Variants in AP1G2 observed in about 807,000 individuals in gnomAD.
The protein encoded by AP1G2 is adaptor related protein complex 1 subunit gamma 2.
A neutral mutation model predicts 95.8 loss-of-function variants in AP1G2; 85 were observed. The ratio of observed to expected loss-of-function variants is 0.89; its 90% CI spans 0.74 to 1.06. AP1G2 has a LOEUF of 1.06. Among genes scored for constraint, AP1G2 ranks in the 50% least tolerant of loss-of-function variants. AP1G2 has a pLI of 0.00. For missense variants in AP1G2, 967 were observed against 1,005.8 expected (o/e 0.96, Z 0.52); for synonymous variants, 378 against 400.0 (o/e 0.94, Z 0.66).
Position 23,565,911 on chromosome 14 carries a change from A to T in AP1G2, c.569-19T>A, listed in dbSNP as rs775367912. 1 of 1,598,748 alleles carries T rather than the reference A, an allele frequency of 6.3e-7. No individual in the cohort carries two copies. The highest frequency in any genetic ancestry group is 8.5e-7 in the Non-Finnish European group (1 of 1,174,610). ...AGGATGCCTGGGGTCAGCGTCGGGG[A>T]AGTGAATGGTGGGGGCCAGGGGCAA... is the stretch of plus-strand genomic sequence containing the variant. On this transcript the variant is annotated intron_variant, in intron 5 of 21. Coordinates refer to ENST00000397120, the MANE Select transcript of AP1G2 (RefSeq NM_003917.5).
At position 23,564,397 on chromosome 14, in the gene AP1G2, G is replaced by A. The variant is rs1886703416; in HGVS notation, c.922-9C>T. The A allele has an allele frequency of 1.2e-6, 2 of 1,614,146 alleles. No homozygotes were observed. Among genetic ancestry groups the A allele is most frequent in the Non-Finnish European group, 1.7e-6 (2 of 1,180,022 alleles). On this transcript the variant is annotated splice_polypyrimidine_tract_variant and intron_variant, in intron 9 of 21. Transcript: ENST00000397120. Reference sequence around the variant, plus strand: ...ATGTTGACAGCTAGAACCTATGAGAGGCAGAAGTTGGGGTCAGTCGGAAAG... The same window carrying A: ...ATGTTGACAGCTAGAACCTATGAGAAGCAGAAGTTGGGGTCAGTCGGAAAG...
At position 23,567,090 on chromosome 14, in the gene AP1G2, G is replaced by C. The variant is rs778227721; in HGVS notation, c.204+21C>G. 1 of 1,602,126 alleles carries C rather than the reference G, an allele frequency of 6.2e-7. No individual in the cohort carries two copies. On this transcript the variant is annotated intron_variant, in intron 2 of 21. Transcript: ENST00000397120. This position sits in a 1 kb window ranked among gnomAD's most constrained non-coding sequence, Gnocchi z 5.3. Reference sequence around the variant, plus strand: ...CACTAGCCTTCATCAAGCTCAGGAGGGAGGTATTCCTGGCCAGTACCTGTC... The same window carrying C: ...CACTAGCCTTCATCAAGCTCAGGAGCGAGGTATTCCTGGCCAGTACCTGTC...
Position 23,565,027 on chromosome 14 carries a change from G to C in AP1G2, c.822+92C>G, listed in dbSNP as rs887221174. The C allele has an allele frequency of 3.4e-6, 4 of 1,192,118 alleles. No individual in the cohort carries two copies. The South Asian group carries it at 5.0e-5, about 15-fold the overall frequency. 73.8% of individuals were successfully genotyped at this position (1,192,118 alleles called of 1,614,324 possible). A position where few individuals can be genotyped will look rare whatever the true frequency, so the allele number is the denominator to read the frequency against. On this transcript the variant is annotated intron_variant, in intron 8 of 21. Coordinates refer to ENST00000397120, the MANE Select transcript of AP1G2 (RefSeq NM_003917.5). ...AGAGGAGATGGAGAGGCAATTACAC[G>C]GCCACTGCACAGTGACGAGTCATGT...
intron 8 of AP1G2, 113 bp from the exon 9 acceptor site, chr14:23,564,773 G>A: frequency 2.1e-6 from 2 of 957,576 alleles, no homozygotes; most frequent in African/African-American, 1.6e-5. Context: ...GACCTCCCAG[G>A]CTCTGATGAT....
chr14:23,562,778 A>C, intron 14 of AP1G2, 185 bp from the exon 15 acceptor site: 1 of 639,990 alleles, frequency 1.6e-6, no homozygotes, highest in Non-Finnish European at 2.6e-6. Context: ...GAAAGAAAGA[A>C]ACACTGCTGG....
Position 23,559,759 on chromosome 14 carries a change from G to C in AP1G2, c.2348C>G (p.Ser783Trp), listed in dbSNP as rs768123425. The change falls in exon 22 of 22, where the codon TCG (serine) becomes TGG (tryptophan). Residue 783 changes from serine to tryptophan, a missense_variant. Physicochemically the swap from Ser to Trp is radical, Grantham distance 177. Coordinates refer to ENST00000397120, the MANE Select transcript of AP1G2 (RefSeq NM_003917.5). Reference protein sequence around the residue: ...IFEVNNLPVESWQ With the variant: ...IFEVNNLPVEWWQ The stretch of plus-strand genomic sequence containing the variant: ...TGTGAGTGGAGACAGTTACTGCCAC[G>C]ATTCCACAGGCAAGTTGTTCACCTC... 1 of 1,614,096 alleles carries C rather than the reference G, an allele frequency of 6.2e-7. No individual in the cohort carries two copies. The highest frequency in any genetic ancestry group is 8.5e-7 in the Non-Finnish European group (1 of 1,179,980).
At chr14:23,565,937 G>C in intron 5 of AP1G2, 45 bp from the exon 6 acceptor site, 1 of 1,603,176 alleles carries the variant, frequency 6.2e-7, no homozygotes, top group Non-Finnish European at 8.5e-7. Context: ...CCAGGGGCAA[G>C]AGAGTCTATT....
rs1257816946 is a variant in AP1G2 at position 23,563,406 on chromosome 14, T to C, written c.1384A>G (p.Asn462Asp). The change falls in exon 14 of 22, where the codon AAT (asparagine) becomes GAT (aspartate). Residue 462 changes from asparagine (N) to aspartate (D), a missense_variant. Asn to Asp is a conservative substitution (Grantham distance 23). Coordinates refer to ENST00000397120, the MANE Select transcript of AP1G2 (RefSeq NM_003917.5). ...LHAYSVRRLY[N>D]ALAEDISQQP... ...TGGGAAATGTCTTCTGCCAGGGCAT[T>C]GTAGAGGCGGCGCACAGAGTAGGCA... is the stretch of plus-strand genomic sequence containing the variant. 4 of 1,605,470 alleles carry C rather than the reference T, an allele frequency of 2.5e-6. No homozygotes were observed. Among genetic ancestry groups the C allele is most frequent in the Non-Finnish European group, 1.7e-6 (2 of 1,176,548 alleles).
chr14:23,559,706 G>T lies in AP1G2; in HGVS notation c.*43C>A. On this transcript the variant is annotated 3_prime_UTR_variant, in exon 22 of 22. Coordinates refer to ENST00000397120, the MANE Select transcript of AP1G2 (RefSeq NM_003917.5). ...GGTTCGAAGCTGCTGGGGCCCCCTGGGGTTTGGGACACAGGAGAATTTCAG... is the reference window on the plus strand; with the variant it reads ...GGTTCGAAGCTGCTGGGGCCCCCTGTGGTTTGGGACACAGGAGAATTTCAG... The T allele has an allele frequency of 6.3e-7, 1 of 1,597,234 alleles. No individual in the cohort carries two copies. Among genetic ancestry groups the T allele is most frequent in the South Asian group, 1.1e-5 (1 of 89,830 alleles).
chr14:23,567,126 G>A lies in AP1G2; in HGVS notation c.189C>T (p.Pro63=). Reference sequence around the variant, plus strand: ...TGGCCAGTACCTGTCCAAAGTGGGCGGGGTAGCCCAACATGTGGACGTAGA... The same window carrying A: ...TGGCCAGTACCTGTCCAAAGTGGGCAGGGTAGCCCAACATGTGGACGTAGA... ...KLLYVHMLGY[P]AHFGQMECLK... The change falls in exon 2 of 22, where the codon CCC becomes CCT. Residue 63 remains proline (P), a synonymous_variant. Coordinates refer to ENST00000397120, the MANE Select transcript of AP1G2 (RefSeq NM_003917.5). This position sits in a 1 kb window ranked among gnomAD's most constrained non-coding sequence, Gnocchi z 5.3. 1 of 1,610,390 alleles carries A rather than the reference G, an allele frequency of 6.2e-7. No homozygotes were observed. Among genetic ancestry groups the A allele is most frequent in the South Asian group, 1.1e-5 (1 of 90,740 alleles).
intron 10 of AP1G2, 62 bp from the exon 11 acceptor site, chr14:23,564,221 C>T: frequency 1.2e-6 from 2 of 1,611,998 alleles, no homozygotes; most frequent in Middle Eastern, 1.7e-4. Flanking sequence ...CCCGTCCTGT[C>T]CTGGGTATAG....
At chr14:23,560,088 C>A (rs946374510) in intron 20 of AP1G2, 52 bp from the exon 21 acceptor site, 2 of 1,430,434 alleles carry the variant, frequency 1.4e-6, no homozygotes, top group African/African-American at 2.8e-5. Context: ...AGGGCTCAGG[C>A]AGCCCCTCTA....
Position 23,559,626 on chromosome 14 carries a change from C to T in AP1G2, c.*123G>A. On this transcript the variant is annotated 3_prime_UTR_variant, in exon 22 of 22. Transcript: ENST00000397120. The stretch of plus-strand genomic sequence containing the variant: ...TATTTGTGGGAGAAGGGGGCTGGTC[C>T]CCAGTTTTTGCAGTGCAAAGCCAGA... The T allele has an allele frequency of 1.3e-6, 1 of 798,626 alleles. No homozygotes were observed. Among genetic ancestry groups the T allele is most frequent in the Non-Finnish European group, 2.1e-6 (1 of 479,582 alleles). 49.5% of individuals were successfully genotyped at this position (798,626 alleles called of 1,614,324 possible).
rs370061280 is a variant in AP1G2 at position 23,562,727 on chromosome 14, A to ACC, written c.1411-136_1411-135dup. On this transcript the variant is annotated intron_variant, in intron 14 of 21. Coordinates refer to ENST00000397120, the MANE Select transcript of AP1G2 (RefSeq NM_003917.5). ...AGACCAGCCTGGGCAACAAAGCGAG[A>ACC]CCCCCCCCATCTCTATTTTAAAAAA... 1.8e-3 allele frequency: 1,373 copies of ACC among 742,260 alleles called. 12 individuals carry two copies. In the African/African-American group the frequency reaches 0.022, roughly 12 times the overall value. The allele number at this position is 742,260 out of a possible 1,614,324, so 46.0% of individuals were successfully genotyped here.
rs1319992134 is a variant in AP1G2 at position 23,559,606 on chromosome 14, G to A, written c.*143C>T. The stretch of plus-strand genomic sequence containing the variant: ...TCTCAGGCTTTATTGGGCTTTATTT[G>A]TGGGAGAAGGGGGCTGGTCCCCAGT... On this transcript the variant is annotated 3_prime_UTR_variant, in exon 22 of 22. Coordinates refer to ENST00000397120, the MANE Select transcript of AP1G2 (RefSeq NM_003917.5). 2 of 681,772 alleles carry A rather than the reference G, an allele frequency of 2.9e-6. No individual in the cohort carries two copies. Among genetic ancestry groups the A allele is most frequent in the Admixed American group, 5.1e-5 (2 of 38,988 alleles). 42.2% of individuals were successfully genotyped at this position (681,772 alleles called of 1,614,324 possible).
In AP1G2 at chr14:23,567,678, T is replaced by C; in HGVS notation, c.-6+61A>G. The C allele has an allele frequency of 1.1e-6, 1 of 935,056 alleles. No homozygotes were observed. Among genetic ancestry groups the C allele is most frequent in the Non-Finnish European group, 1.3e-6 (1 of 777,358 alleles). The allele number at this position is 935,056 out of a possible 1,614,324, so 57.9% of individuals were successfully genotyped here. A position where few individuals can be genotyped will look rare whatever the true frequency, so the allele number is the denominator to read the frequency against. ...TCTTCCGCGAGCTTCCTCCCCCGAT[T>C]TCCATCTCAGGCAGCGGCAGCGGCA... On this transcript the variant is annotated intron_variant, in intron 1 of 21. Transcript: ENST00000397120. This position sits in a 1 kb window ranked among gnomAD's most constrained non-coding sequence, Gnocchi z 5.3.
chr14:23,561,756 G>A (rs1295001931), intron 17 of AP1G2, 121 bp from the exon 18 acceptor site: 1 of 1,485,256 alleles, frequency 6.7e-7, no homozygotes, highest in Non-Finnish European at 8.9e-7. Flanking sequence ...GTACCCTTCT[G>A]ATTTCCTAAA....
At chr14:23,566,530 C>T (rs1174026580) in intron 3 of AP1G2, 32 bp downstream of exon 3, 4 of 1,612,704 alleles carry the variant, frequency 2.5e-6, no homozygotes, top group Non-Finnish European at 3.4e-6. Context: ...TCCCATCTCC[C>T]TGATTCCAAG....
At chr14:23,565,456 G>A in intron 7 of AP1G2, 150 bp downstream of exon 7, 2 of 765,032 alleles carry the variant, frequency 2.6e-6, no homozygotes, top group South Asian at 1.8e-5. Context: ...CCCCTCACAG[G>A]TCCTGGGATG....
Sources: gnomAD v4.1 joint callset for allele counts on GRCh38, gnomAD v4.1.1 for gene constraint, Gnocchi (gnomAD v3.1) non-coding constraint, MANE v1.5 for transcripts, NCBI Gene and HGNC (gene_info 2026-07-23, HGNC 2026-07-21) for gene names.